Variants in AGMO observed in about 807,000 individuals in gnomAD.
AGMO encodes the protein alkylglycerol monooxygenase, also known as glyceryl-ether monooxygenase.
AGMO carries 75 observed loss-of-function variants against 60.2 expected under a neutral mutation model. The observed-to-expected ratio is 1.25, with a 90% CI of 1.03 to 1.51. AGMO has a LOEUF of 1.51. Ranked by LOEUF, AGMO falls within the 40% of genes most tolerant of loss-of-function variation. The pLI, the probability that AGMO is intolerant of heterozygous loss-of-function variation, is 0.00. For missense variants in AGMO, 763 were observed against 525.5 expected (o/e 1.45, Z -4.42); for synonymous variants, 261 against 177.1 (o/e 1.47, Z -3.76).
intron 12 of AGMO, among the ~76,000 whole-genome samples, chr7:15,282,175 A>G (rs1024724234): frequency 6.6e-6 from 1 of 152,168 alleles, no homozygotes; most frequent in Non-Finnish European, 1.5e-5. Flanking sequence ...ACAGGATTCC[A>G]TAACATCTCC....
intron 10 of AGMO, among the ~76,000 whole-genome samples, chr7:15,377,745 T>C (rs140006869): frequency 4.2e-3 from 638 of 152,182 alleles, no homozygotes; most frequent in Middle Eastern, 6.8e-3. Context: ...GCTCTATTAA[T>C]GATGTAGATT....
intron 3 of AGMO, among the ~76,000 whole-genome samples, chr7:15,434,583 CA>C (rs1261407533): frequency 6.6e-6 from 1 of 152,086 alleles, no homozygotes; most frequent in African/African-American, 2.4e-5. Flanking sequence ...CTCCTCAGTC[CA>C]AGCCTCATGA....
At chr7:15,357,493 T>C (rs1380498280) in intron 12 of AGMO, among the ~76,000 whole-genome samples, 1 of 152,230 alleles carries the variant, frequency 6.6e-6, no homozygotes, top group Admixed American at 6.5e-5. Flanking sequence ...TTGATCTTAC[T>C]GCTCTTCAAA....
At chr7:15,415,346 C>A (rs1437132349) in intron 5 of AGMO, among the ~76,000 whole-genome samples, 2 of 151,924 alleles carry the variant, frequency 1.3e-5, no homozygotes, top group African/African-American at 2.4e-5. Context: ...AGACCGAGAC[C>A]ATTCTGGCCA....
chr7:15,495,407 G>A (rs1241140193), intron 3 of AGMO, among the ~76,000 whole-genome samples: 1 of 151,994 alleles, frequency 6.6e-6, no homozygotes, highest in South Asian at 2.1e-4. Context: ...TCATTGACTC[G>A]TATGCCATCA....
intron 3 of AGMO, among the ~76,000 whole-genome samples, chr7:15,432,941 G>A (rs1277051263): frequency 6.6e-6 from 1 of 151,916 alleles, no homozygotes; most frequent in African/African-American, 2.4e-5. Flanking sequence ...TAAATTTGAT[G>A]AATCCCCTAA....
At chr7:15,364,197 TAAAG>T (rs1238304927) in intron 12 of AGMO, among the ~76,000 whole-genome samples, 2 of 151,976 alleles carry the variant, frequency 1.3e-5, no homozygotes, top group Non-Finnish European at 2.9e-5. Context: ...AGAATATTAA[TAAAG>T]AATCTTCTGC....
intron 5 of AGMO, among the ~76,000 whole-genome samples, chr7:15,401,869 C>G (rs1411189562): frequency 6.6e-6 from 1 of 151,988 alleles, no homozygotes; most frequent in Non-Finnish European, 1.5e-5. Flanking sequence ...GAAATGAAAT[C>G]TCATAGTGGA....
intron 12 of AGMO, among the ~76,000 whole-genome samples, chr7:15,281,157 G>A (rs530821017): frequency 6.6e-6 from 1 of 152,048 alleles, no homozygotes; most frequent in Non-Finnish European, 1.5e-5. Context: ...ACTTTCCACA[G>A]GTGGAAAGTT....
In AGMO at chr7:15,284,773, C is replaced by A. The variant is rs117613118; in HGVS notation, c.1263+80741G>T. Among the ~76,000 whole-genome samples, 1,442 of 151,664 alleles carry A rather than the reference C, an allele frequency of 9.5e-3. 18 individuals carry two copies. The highest frequency in any genetic ancestry group is 0.013 in the Non-Finnish European group (897 of 67,666). On this transcript the variant is annotated intron_variant, in intron 12 of 12. Coordinates refer to ENST00000342526, the MANE Select transcript of AGMO (RefSeq NM_001004320.2). The stretch of plus-strand genomic sequence containing the variant: ...CTAGGAAAGTATATAACAACAACAA[C>A]AAAAAAGAAAACCACAGACCAATAT...
chr7:15,411,374 A>T (rs1278980043), intron 5 of AGMO, among the ~76,000 whole-genome samples: 1 of 152,122 alleles, frequency 6.6e-6, no homozygotes, highest in Non-Finnish European at 1.5e-5. Flanking sequence ...GAAGCACAAG[A>T]AGGTAAAGAA....
chr7:15,438,095 C>T (rs558810481), intron 3 of AGMO, among the ~76,000 whole-genome samples: 47 of 152,116 alleles, frequency 3.1e-4, no homozygotes, highest in African/African-American at 9.4e-4. Context: ...CAAAATAAAA[C>T]GATAGATTTT....
chr7:15,195,292 T>C, the AGMO span, among the ~76,000 whole-genome samples: 20,892 of 152,106 alleles, frequency 0.14, 1,626 homozygotes, highest in South Asian at 0.28. Flanking sequence ...AGAGGTTTAA[T>C]AGGAGCAAGA....
intron 3 of AGMO, among the ~76,000 whole-genome samples, chr7:15,454,158 C>T (rs1292816079): frequency 1.3e-5 from 2 of 151,408 alleles, no homozygotes; most frequent in South Asian, 2.1e-4. Context: ...TAAATATATG[C>T]TCATTGTAGA....
chr7:15,303,284 A>T (rs1780504359), intron 12 of AGMO, among the ~76,000 whole-genome samples: 1 of 152,160 alleles, frequency 6.6e-6, no homozygotes, highest in Non-Finnish European at 1.5e-5. Context: ...CTAAATTTTA[A>T]TTAAATGTCA....
At chr7:15,555,280 TATATATATATATACAC>T (rs1785097767) in intron 2 of AGMO, among the ~76,000 whole-genome samples, 1 of 97,950 alleles carries the variant, frequency 1.0e-5, no homozygotes, top group East Asian at 2.7e-4. Context: ...CATATATATA[TATATATATATATACAC>T]ACACACACAC....
the AGMO span, among the ~76,000 whole-genome samples, chr7:15,157,060 A>G: frequency 6.6e-6 from 1 of 152,192 alleles, no homozygotes; most frequent in Non-Finnish European, 1.5e-5. Flanking sequence ...AATTATTTCT[A>G]CAATTATATC....
intron 6 of AGMO, among the ~76,000 whole-genome samples, chr7:15,391,736 T>C (rs889062197): frequency 6.6e-6 from 1 of 152,170 alleles, no homozygotes; most frequent in Non-Finnish European, 1.5e-5. Context: ...CGTTGCTATA[T>C]ACATGCTTTA....
chr7:15,341,211 G>C (rs961605669), intron 12 of AGMO, among the ~76,000 whole-genome samples: 1 of 152,082 alleles, frequency 6.6e-6, no homozygotes, highest in African/African-American at 2.4e-5. Flanking sequence ...CCAGAAAATG[G>C]ATTTCTTTTC....
Sources: gnomAD v4.1 joint callset for allele counts (sites outside exome capture counted in the v4.1 genomes callset) on GRCh38, gnomAD v4.1.1 for gene constraint, MANE v1.5 for transcripts, NCBI Gene and HGNC (gene_info 2026-07-23, HGNC 2026-07-21) for gene names.